The following GASK1A variants were observed in gnomAD, a reference collection of about 807,000 sequenced individuals.
GASK1A encodes Golgi-associated kinase 1A.
Under a neutral mutation model 41.2 loss-of-function variants are expected in GASK1A, and 40 were observed. The ratio of observed to expected loss-of-function variants is 0.97; its 90% CI spans 0.75 to 1.27. GASK1A has a LOEUF of 1.27. GASK1A is among the 50% of genes most tolerant of loss of function. The probability of loss-of-function intolerance (pLI) is 0.00; values close to 1 mark genes in which losing one functional copy is unlikely to be tolerated. For missense variants in GASK1A, 678 were observed against 745.1 expected (o/e 0.91, Z 1.05); for synonymous variants, 316 against 307.1 (o/e 1.03, Z -0.30).
chr3:42,998,411 G>C (rs1369541082), intron 1 of GASK1A, among the ~76,000 whole-genome samples: 1 of 152,188 alleles, frequency 6.6e-6, no homozygotes, highest in Non-Finnish European at 1.5e-5. Flanking sequence ...ACTTAGCCCA[G>C]TTTGCCCTTT....
At chr3:43,035,873 A>T (rs1272798293) in intron 2 of GASK1A, among the ~76,000 whole-genome samples, 1 of 152,248 alleles carries the variant, frequency 6.6e-6, no homozygotes, top group East Asian at 1.9e-4. Context: ...AAATTAGGTT[A>T]CTTGCCCAAG....
chr3:42,989,610 CTTTTTTTTTTTTTTT>C (rs1230496622), intron 1 of GASK1A, among the ~76,000 whole-genome samples: 1 of 2,478 alleles, frequency 4.0e-4, no homozygotes, highest in African/African-American at 4.8e-4. Flanking sequence ...TACCTGCTTT[CTTTTTTTTTTTTTTT>C]TTTTTTTTTT....
chr3:43,056,066 G>A, intron 4 of GASK1A, 110 bp from the exon 5 acceptor site: 1 of 849,494 alleles, frequency 1.2e-6, no homozygotes. Flanking sequence ...CTTTACCAGA[G>A]TTCCTCAGCT....
At chr3:43,031,120 G>T (rs2089573814) in intron 1 of GASK1A, among the ~76,000 whole-genome samples, 1 of 152,208 alleles carries the variant, frequency 6.6e-6, no homozygotes, top group Admixed American at 6.5e-5. Context: ...GGTGGATTTA[G>T]TAAGTAAACT....
intron 1 of GASK1A, among the ~76,000 whole-genome samples, chr3:43,028,627 C>T (rs964598657): frequency 2.0e-5 from 3 of 152,148 alleles, no homozygotes; most frequent in African/African-American, 7.2e-5. Flanking sequence ...CATGGGAGAA[C>T]ATGAAGGAAT....
intron 1 of GASK1A, among the ~76,000 whole-genome samples, chr3:43,028,199 CT>C (rs2089554858): frequency 6.6e-6 from 1 of 152,154 alleles, no homozygotes; most frequent in Admixed American, 6.5e-5. Context: ...GTAAATGTTT[CT>C]TATCAGACAT....
At chr3:42,981,990 A>G (rs1575432095) in intron 1 of GASK1A, among the ~76,000 whole-genome samples, 1 of 152,200 alleles carries the variant, frequency 6.6e-6, no homozygotes, top group Non-Finnish European at 1.5e-5. Context: ...CAAGATACGT[A>G]TGATGGGAAA....
chr3:43,051,254 ATTC>A (rs2089686943), intron 2 of GASK1A, among the ~76,000 whole-genome samples: 1 of 152,070 alleles, frequency 6.6e-6, no homozygotes, highest in South Asian at 2.1e-4. Flanking sequence ...AGTCATCTGT[ATTC>A]TTTATTGTAT....
intron 2 of GASK1A, among the ~76,000 whole-genome samples, chr3:43,050,543 G>A (rs979543267): frequency 6.6e-6 from 1 of 152,032 alleles, no homozygotes; most frequent in African/African-American, 2.4e-5. Flanking sequence ...TCTTGGACGT[G>A]TAGATCAATG....
rs1054895245 is a variant in GASK1A, at chr3:43,018,903, C to T, written c.4-13364C>T. On this transcript the variant is annotated intron_variant, in intron 1 of 4. Transcript: ENST00000430121. ...GTGGCAGCTTCTTCCTGGGGTGGCA[C>T]AGCAACTAGGTCAGCTAGCTCTGAA... 3.3e-5 allele frequency among the ~76,000 whole-genome samples: 5 copies of T among 152,262 alleles called. No individual in the cohort carries two copies. In the East Asian group the frequency reaches 9.7e-4, roughly 29 times the overall value.
chr3:43,001,247 C>T (rs200744533), intron 1 of GASK1A, among the ~76,000 whole-genome samples: 3 of 152,238 alleles, frequency 2.0e-5, no homozygotes, highest in East Asian at 3.9e-4. Context: ...AGAAGTTCCA[C>T]GTCATGACAC....
intron 1 of GASK1A, among the ~76,000 whole-genome samples, chr3:42,986,404 TGCAAATCTAATAC>T: frequency 6.6e-6 from 1 of 152,210 alleles, no homozygotes; most frequent in Admixed American, 6.5e-5. Flanking sequence ...GTGGTGGACA[TGCAAATCTAATAC>T]ATGTGTTAAA....
chr3:42,999,372 A>G lies in GASK1A; in HGVS notation c.3+19727A>G, dbSNP rs373634087. On this transcript the variant is annotated intron_variant, in intron 1 of 4. Coordinates refer to ENST00000430121, the MANE Select transcript of GASK1A (RefSeq NM_001129908.3). ...GCACCTTCCACATGCAGCAAACCCCAGGGTGAAGGTGCCCAGCAACCTCTG... is the reference window on the plus strand; with the variant it reads ...GCACCTTCCACATGCAGCAAACCCCGGGGTGAAGGTGCCCAGCAACCTCTG... 5.3e-4 allele frequency among the ~76,000 whole-genome samples: 80 copies of G among 152,316 alleles called. 1 individual carries two copies. The highest frequency in any genetic ancestry group is 1.9e-3 in the African/African-American group (80 of 41,580).
chr3:43,039,856 C>G (rs917668828), intron 2 of GASK1A, among the ~76,000 whole-genome samples: 1 of 152,108 alleles, frequency 6.6e-6, no homozygotes, highest in Non-Finnish European at 1.5e-5. Flanking sequence ...GTTCTTTGCC[C>G]TATTTTCTGT....
At chr3:42,996,614 C>T (rs2089370749) in intron 1 of GASK1A, among the ~76,000 whole-genome samples, 1 of 152,224 alleles carries the variant, frequency 6.6e-6, no homozygotes, top group Non-Finnish European at 1.5e-5. Context: ...GATTTGAGAT[C>T]AATGCCCACA....
At chr3:43,046,813 C>A (rs1338646350) in intron 2 of GASK1A, among the ~76,000 whole-genome samples, 1 of 152,150 alleles carries the variant, frequency 6.6e-6, no homozygotes, top group East Asian at 1.9e-4. Flanking sequence ...GACTTGGTGC[C>A]CTCCATCCCA....
intron 2 of GASK1A, among the ~76,000 whole-genome samples, chr3:43,048,820 T>C (rs1329396281): frequency 7.2e-5 from 11 of 152,180 alleles, no homozygotes. Context: ...CCTAGGTTCA[T>C]GGATGGAGAG....
chr3:43,026,236 T>C (rs1042973088), intron 1 of GASK1A, among the ~76,000 whole-genome samples: 7 of 152,332 alleles, frequency 4.6e-5, no homozygotes, highest in Admixed American at 3.3e-4. Flanking sequence ...CAACAAGCCA[T>C]ATTTGCAGGA....
At chr3:43,035,674 C>T (rs527252241) in intron 2 of GASK1A, among the ~76,000 whole-genome samples, 18 of 152,292 alleles carry the variant, frequency 1.2e-4, no homozygotes, top group South Asian at 6.2e-4. Context: ...ACATTGATCA[C>T]GCATAGTTTC....
Sources: gnomAD v4.1 joint callset for allele counts (sites outside exome capture counted in the v4.1 genomes callset) on GRCh38, gnomAD v4.1.1 for gene constraint, MANE v1.5 for transcripts, NCBI Gene and HGNC (gene_info 2026-07-23, HGNC 2026-07-21) for gene names.